The following ABCC1 variants were observed in gnomAD, a reference collection of about 807,000 sequenced individuals.
The protein encoded by ABCC1 is multidrug resistance-associated protein 1.
In ABCC1, 83 loss-of-function variants were observed where a neutral mutation model predicts 172.9. The observed-to-expected ratio is 0.48, with a 90% CI of 0.40 to 0.58. ABCC1 has a LOEUF of 0.58. ABCC1 is among the 20% of genes least tolerant of loss of function. The pLI, the probability that ABCC1 is intolerant of heterozygous loss-of-function variation, is 0.00. For synonymous variants in ABCC1, 937 were observed against 825.2 expected (o/e 1.14, Z -2.32); for missense variants, 1,817 against 2,002.7 (o/e 0.91, Z 1.77).
In ABCC1 at chr16:16,142,274, TG is replaced by T. The variant is rs1373355948; in HGVS notation, c.*994del. ...TACTATGCCAGTCCTAGCAGAAAAATGTGTTAGGGGCCTGGCCCAAAGCAGT... is the reference window on the plus strand; with the variant it reads ...TACTATGCCAGTCCTAGCAGAAAAATTGTTAGGGGCCTGGCCCAAAGCAGT... On this transcript the variant is annotated 3_prime_UTR_variant, in exon 31 of 31. Coordinates refer to ENST00000399410, the MANE Select transcript of ABCC1 (RefSeq NM_004996.4). 2.0e-5 allele frequency: 3 copies of T among 152,078 alleles called. No individual in the cohort carries two copies. Among genetic ancestry groups the T allele is most frequent in the Admixed American group, 6.5e-5 (1 of 15,272 alleles). The allele number at this position is 152,078 out of a possible 1,614,324, so 9.4% of individuals were successfully genotyped here. A position where few individuals can be genotyped will look rare whatever the true frequency, so the allele number is the denominator to read the frequency against.
chr16:15,958,233 G>A (rs1294941200), intron 1 of ABCC1, among the ~76,000 whole-genome samples: 2 of 152,242 alleles, frequency 1.3e-5, no homozygotes, highest in East Asian at 3.9e-4. Flanking sequence ...AGCTTCCCGA[G>A]TAGCTGGGAT....
At chr16:15,970,557 A>G (rs1388187646) in intron 1 of ABCC1, among the ~76,000 whole-genome samples, 1 of 152,194 alleles carries the variant, frequency 6.6e-6, no homozygotes, top group Non-Finnish European at 1.5e-5. Flanking sequence ...ATGCATGTGC[A>G]GAAGCACTGG....
intron 10 of ABCC1, 21 bp downstream of exon 10, chr16:16,048,324 C>G: frequency 3.7e-6 from 6 of 1,612,710 alleles, no homozygotes; most frequent in Non-Finnish European, 5.1e-6. Context: ...AACGCCGTTT[C>G]CCTTTGCATG....
At chr16:16,088,060 C>T (rs1438786834) in intron 18 of ABCC1, among the ~76,000 whole-genome samples, 1 of 151,966 alleles carries the variant, frequency 6.6e-6, no homozygotes, top group East Asian at 1.9e-4. Context: ...GTAATACATG[C>T]CCATTGTAAC....
At chr16:16,121,803 C>G (rs1397348653) in intron 23 of ABCC1, among the ~76,000 whole-genome samples, 172 bp from the exon 24 acceptor site, 1 of 152,190 alleles carries the variant, frequency 6.6e-6, no homozygotes, top group African/African-American at 2.4e-5. Flanking sequence ...ATTGGTGGTG[C>G]TATTCCTGTG....
At chr16:16,108,938 C>T (rs984814918) in intron 21 of ABCC1, among the ~76,000 whole-genome samples, 1 of 152,010 alleles carries the variant, frequency 6.6e-6, no homozygotes, top group East Asian at 1.9e-4. Flanking sequence ...TTCCACTACT[C>T]ATGAGAAAGA....
chr16:16,119,808 G>A (rs2045071687), intron 23 of ABCC1, among the ~76,000 whole-genome samples: 1 of 152,310 alleles, frequency 6.6e-6, no homozygotes, highest in Non-Finnish European at 1.5e-5. Context: ...ACTTGAGAGC[G>A]ATTTGCATCT....
At chr16:16,040,060 TTGTTTGTA>T (rs1257227220) in intron 7 of ABCC1, among the ~76,000 whole-genome samples, 1,737 of 131,392 alleles carry the variant, frequency 0.013, 32 homozygotes, top group African/African-American at 0.045. Flanking sequence ...GTTTGTTTGT[TTGTTTGTA>T]TGTATGTATG....
At chr16:16,092,518 C>T (rs894100949) in intron 19 of ABCC1, among the ~76,000 whole-genome samples, 2 of 152,192 alleles carry the variant, frequency 1.3e-5, no homozygotes, top group African/African-American at 4.8e-5. Context: ...TTACACTTAG[C>T]GTGGTGTTTT....
chr16:16,013,118 A>ATCC (rs2047855423), intron 3 of ABCC1, among the ~76,000 whole-genome samples: 1 of 152,082 alleles, frequency 6.6e-6, no homozygotes, highest in African/African-American at 2.4e-5. Flanking sequence ...GGCCTGTGAG[A>ATCC]TCCTCAGCCT....
intron 21 of ABCC1, among the ~76,000 whole-genome samples, chr16:16,109,982 C>G (rs1567415659): frequency 6.6e-6 from 1 of 152,180 alleles, no homozygotes; most frequent in African/African-American, 2.4e-5. Flanking sequence ...CCCATGATCT[C>G]CTGGCTCCAG....
At chr16:16,105,714 C>CTTTT (rs71137912) in intron 20 of ABCC1, among the ~76,000 whole-genome samples, 3 of 130,394 alleles carry the variant, frequency 2.3e-5, no homozygotes, top group African/African-American at 5.8e-5. Context: ...CTTTTCTTTT[C>CTTTT]TTTTTTTTTT....
intron 23 of ABCC1, among the ~76,000 whole-genome samples, chr16:16,116,223 C>G (rs1055062382): frequency 1.8e-4 from 27 of 151,938 alleles, no homozygotes; most frequent in African/African-American, 6.3e-4. Flanking sequence ...CTTAAGTTGG[C>G]CTCATGGTCC....
At chr16:16,093,285 A>T (rs2051325945) in intron 19 of ABCC1, among the ~76,000 whole-genome samples, 2 of 151,910 alleles carry the variant, frequency 1.3e-5, no homozygotes, top group Admixed American at 1.3e-4. Context: ...GGTTTAGCTG[A>T]ATCTTTTGCC....
At chr16:16,114,257 G>A (rs929265736) in intron 22 of ABCC1, among the ~76,000 whole-genome samples, 2 of 152,084 alleles carry the variant, frequency 1.3e-5, no homozygotes, top group Admixed American at 1.3e-4. Flanking sequence ...ATAAAAATCA[G>A]TTACATGTAA....
rs936320134 is a variant in ABCC1 at position 16,090,408 on chromosome 16, C to T, written c.2464C>T (p.Arg822Trp). Residue 822 changes from arginine (R) to tryptophan (W), a missense_variant, in exon 19 of 31, where the codon CGG becomes TGG. Physicochemically the swap from Arg to Trp is moderately radical, Grantham distance 101. This residue lies in a region of ABCC1 where 1,412 missense variants were observed against 1,600.3 expected (regional missense o/e 0.88). Transcript: ENST00000399410. ...GPKGMLKNKT[R>W]ILVTHSMSYL... ...CGGGTGTCCCCTTTGCCCACAGACG[C>T]GGATCTTGGTCACGCACAGCATGAG... 2.5e-6 allele frequency: 4 copies of T among 1,591,892 alleles called. No individual in the cohort carries two copies. The highest frequency in any genetic ancestry group is 3.4e-6 in the Non-Finnish European group (4 of 1,165,820).
At chr16:16,028,269 A>G (rs545742639) in intron 5 of ABCC1, among the ~76,000 whole-genome samples, 9 of 152,192 alleles carry the variant, frequency 5.9e-5, no homozygotes, top group Admixed American at 4.6e-4. Flanking sequence ...TTGTAATTAT[A>G]TATTTGTTTG....
intron 24 of ABCC1, among the ~76,000 whole-genome samples, chr16:16,123,843 C>T (rs1316057019): frequency 6.6e-6 from 1 of 151,910 alleles, no homozygotes; most frequent in Non-Finnish European, 1.5e-5. Flanking sequence ...GAGACCCTGT[C>T]TCTAAAAACA....
At chr16:16,063,288 A>G (rs1029862673) in intron 12 of ABCC1, among the ~76,000 whole-genome samples, 1 of 152,000 alleles carries the variant, frequency 6.6e-6, no homozygotes, top group African/African-American at 2.4e-5. Context: ...TTGTCTTTTT[A>G]GTAGAGATGG....
Sources: allele counts gnomAD v4.1 joint callset (sites outside exome capture counted in the v4.1 genomes callset), GRCh38; gene constraint gnomAD v4.1.1; regional missense constraint gnomAD v4.1.1; transcripts MANE v1.5; gene names NCBI Gene and HGNC (gene_info 2026-07-23, HGNC 2026-07-21).